GSE1: variants seen among roughly 807,000 people sequenced by gnomAD.
GSE1 encodes Gse1 coiled-coil protein, also known as genetic suppressor element 1.
In GSE1, 32 loss-of-function variants were observed where a neutral mutation model predicts 112.6. The observed-to-expected ratio is 0.28, with a 90% CI of 0.21 to 0.38. GSE1 has a LOEUF of 0.38. Among genes scored for constraint, GSE1 ranks in the 10% least tolerant of loss-of-function variants. GSE1 has a pLI of 1.00. For missense variants in GSE1, 2,348 were observed against 1,699.2 expected, an observed-to-expected ratio of 1.38 and a Z score of -6.71; for synonymous variants, 1,115 against 735.6, an observed-to-expected ratio of 1.52 and a Z score of -8.35.
At chr16:85,533,424 A>C (rs998222692) in intron 2 of GSE1, among the ~76,000 whole-genome samples, 1 of 151,360 alleles carries the variant, frequency 6.6e-6, no homozygotes, top group Non-Finnish European at 1.5e-5. Flanking sequence ...CGTTTCAAAA[A>C]AACACAAAAA....
chr16:85,525,613 T>C (rs2052341848), intron 2 of GSE1, among the ~76,000 whole-genome samples: 2 of 152,188 alleles, frequency 1.3e-5, no homozygotes, highest in African/African-American at 4.8e-5. Flanking sequence ...CCAGTTAACG[T>C]CACAGAGCCC....
chr16:85,404,944 T>C (rs1334694775), intron 2 of GSE1, among the ~76,000 whole-genome samples: 55 of 15,132 alleles, frequency 3.6e-3, no homozygotes, highest in East Asian at 0.031. Flanking sequence ...TAATCCTCAC[T>C]GTTACTCTCA....
intron 1 of GSE1, among the ~76,000 whole-genome samples, chr16:85,312,046 G>C (rs2045863570): frequency 6.6e-6 from 1 of 152,178 alleles, no homozygotes; most frequent in South Asian, 2.1e-4. Flanking sequence ...GGTGGCCCAG[G>C]CTGGCTTGGC....
intron 1 of GSE1, among the ~76,000 whole-genome samples, chr16:85,253,058 G>GCCCCCCCCCCCCCCCCCCCC (rs748803903): frequency 2.1e-5 from 1 of 47,140 alleles, no homozygotes. Context: ...AGGCGCCCCC[G>GCCCCCCCCCCCCCCCCCCCC]CCCCCCCCCC....
chr16:85,293,184 A>T (rs1326411840), intron 1 of GSE1, among the ~76,000 whole-genome samples: 1 of 151,726 alleles, frequency 6.6e-6, no homozygotes, highest in African/African-American at 2.4e-5. Context: ...TCTGTTAGTG[A>T]TTGGATGAGT....
chr16:85,296,669 G>T (rs533530826), intron 1 of GSE1, among the ~76,000 whole-genome samples: 2 of 152,162 alleles, frequency 1.3e-5, no homozygotes, highest in Non-Finnish European at 2.9e-5. Context: ...ATTTCTGAGC[G>T]CCCTTCAACT....
At chr16:85,418,194 A>C (rs1410500250) in intron 2 of GSE1, among the ~76,000 whole-genome samples, 2 of 152,368 alleles carry the variant, frequency 1.3e-5, no homozygotes, top group East Asian at 3.9e-4. Context: ...GCGAGTCACC[A>C]TGCCAGACGG....
chr16:85,177,928 A>C (rs573489259), intron 1 of GSE1, among the ~76,000 whole-genome samples: 2 of 152,188 alleles, frequency 1.3e-5, no homozygotes, highest in South Asian at 4.2e-4. Context: ...ACCCTCATCC[A>C]TATCTACCTT....
intron 2 of GSE1, among the ~76,000 whole-genome samples, chr16:85,431,759 C>T (rs12444087): frequency 0.53 from 80,628 of 152,136 alleles, 24,860 homozygotes; most frequent in Non-Finnish European, 0.69. Context: ...ATCTGGGCCG[C>T]CTTGCCTCCC....
At chr16:85,500,081 A>C (rs1326227780) in intron 2 of GSE1, among the ~76,000 whole-genome samples, 1 of 152,210 alleles carries the variant, frequency 6.6e-6, no homozygotes, top group Non-Finnish European at 1.5e-5. Context: ...CCCACCACGG[A>C]GCAGTGGTGT....
Position 85,331,655 on chromosome 16 carries a change from G to A in GSE1, c.2284-25808G>A, listed in dbSNP as rs1237422454. On this transcript the variant is annotated intron_variant, in intron 1 of 2. Coordinates refer to the GSE1 transcript ENST00000637419. The stretch of plus-strand genomic sequence containing the variant: ...TGTATATATGTGTGTATATATATAT[G>A]TGTATATGTGTGTGTGTGTGTGTGT... 4.0e-4 allele frequency among the ~76,000 whole-genome samples: 39 copies of A among 98,576 alleles called. 2 individuals are homozygous for A. Among genetic ancestry groups the A allele is most frequent in the African/African-American group, 1.5e-3 (38 of 24,898 alleles). 64.7% of individuals were successfully genotyped at this position (98,576 alleles called of 152,430 possible).
chr16:85,193,615 A>G (rs560249915), intron 1 of GSE1, among the ~76,000 whole-genome samples: 5 of 152,092 alleles, frequency 3.3e-5, no homozygotes, highest in African/African-American at 4.8e-5. Flanking sequence ...ACCCGCCACC[A>G]TGCCTGACTA....
At chr16:85,449,537 A>T (rs2049612718) in intron 2 of GSE1, among the ~76,000 whole-genome samples, 1 of 152,262 alleles carries the variant, frequency 6.6e-6, no homozygotes, top group African/African-American at 2.4e-5. Flanking sequence ...GAAGTAAGCA[A>T]CGCTTGCCAA....
chr16:85,601,097 G>A (rs932887335), intron 1 of GSE1, among the ~76,000 whole-genome samples: 1 of 152,148 alleles, frequency 6.6e-6, no homozygotes, highest in African/African-American at 2.4e-5. Context: ...TTTGAATAAA[G>A]GAGATGGGGC....
chr16:85,626,161 G>A (rs1598431404), intron 1 of GSE1, among the ~76,000 whole-genome samples: 2 of 152,116 alleles, frequency 1.3e-5, no homozygotes, highest in East Asian at 3.9e-4. Flanking sequence ...TAAGGCACAA[G>A]CAGGCTGCCC....
Position 85,656,674 on chromosome 16 carries a change from G to A in GSE1, c.1312+9G>A. On this transcript the variant is annotated intron_variant, in intron 7 of 15. Coordinates refer to ENST00000253458, the MANE Select transcript of GSE1 (RefSeq NM_014615.5). Reference sequence around the variant, plus strand: ...GACCCCAACCCGAGCAGGTACCTGGGCGTGGGTGGGCTGTGCTGGGCAAGG... The same window carrying A: ...GACCCCAACCCGAGCAGGTACCTGGACGTGGGTGGGCTGTGCTGGGCAAGG... 4 of 1,497,114 alleles carry A rather than the reference G, an allele frequency of 2.7e-6. No homozygotes were observed. Among genetic ancestry groups the A allele is most frequent in the Non-Finnish European group, 3.6e-6 (4 of 1,123,540 alleles). The allele number at this position is 1,497,114 out of a possible 1,614,324, so 92.7% of individuals were successfully genotyped here.
chr16:85,596,966 TTTTGTTTG>T (rs113778336), intron 1 of GSE1, among the ~76,000 whole-genome samples: 10 of 151,706 alleles, frequency 6.6e-5, no homozygotes, highest in South Asian at 4.2e-4. Flanking sequence ...GTAGTTGTTT[TTTTGTTTG>T]TTTGTTTGTT....
chr16:85,200,460 C>T (rs1222316856), intron 1 of GSE1, among the ~76,000 whole-genome samples: 1 of 151,940 alleles, frequency 6.6e-6, no homozygotes, highest in Non-Finnish European at 1.5e-5. Flanking sequence ...TGTGGTTTCC[C>T]CCACGTCACA....
chr16:85,655,657 C>T (rs555861718), intron 5 of GSE1, 69 bp from the exon 6 acceptor site: 9 of 1,039,716 alleles, frequency 8.7e-6, no homozygotes, highest in South Asian at 4.5e-5. Context: ...GGCTGAGACA[C>T]ACCTGTCGAC....
Sources: gnomAD v4.1 joint callset for allele counts (sites outside exome capture counted in the v4.1 genomes callset) on GRCh38, gnomAD v4.1.1 for gene constraint, MANE v1.5 for transcripts, NCBI Gene and HGNC (gene_info 2026-07-23, HGNC 2026-07-21) for gene names.